PFKFB2: variants seen among roughly 807,000 people sequenced by gnomAD.
PFKFB2 encodes 6-phosphofructo-2-kinase/fructose-2,6-biphosphatase 2, also known as 6-phosphofructo-2-kinase/fructose-2,6-bisphosphatase 2.
Under a neutral mutation model 68.0 loss-of-function variants are expected in PFKFB2, and 53 were observed. The ratio of observed to expected loss-of-function variants is 0.78; its 90% confidence interval spans 0.63 to 0.98. The LOEUF (loss-of-function observed/expected upper bound fraction) is 0.98, where lower values mean the gene tolerates loss of function less well. Ranked by LOEUF, PFKFB2 falls within the 50% of genes least tolerant of loss-of-function variation. The pLI, the probability that PFKFB2 is intolerant of heterozygous loss-of-function variation, is 0.00. For missense variants in PFKFB2, 451 were observed against 642.0 expected (o/e 0.70, Z 3.22); for synonymous variants, 222 against 227.6 (o/e 0.98, Z 0.22).
At chr1:207,053,497 G>C (rs537389227) in intron 1 of PFKFB2, 131 bp downstream of exon 1, 2 of 152,884 alleles carry the variant, frequency 1.3e-5, no homozygotes, top group Non-Finnish European at 2.9e-5. Context: ...TTCTGGGACC[G>C]GGAGCCACAG....
At position 207,070,220 on chromosome 1, in the gene PFKFB2, C is replaced by T; in HGVS notation, c.1093-60C>T. 6.2e-7 allele frequency: 1 copy of T among 1,603,046 alleles called. No homozygotes were observed. Among genetic ancestry groups the T allele is most frequent in the Non-Finnish European group, 8.5e-7 (1 of 1,174,802 alleles). On this transcript the variant is annotated intron_variant, in intron 11 of 14. Transcript: ENST00000367080. The surrounding 1 kb of genome is among the most constrained non-coding windows in gnomAD (Gnocchi z 4.2). Reference sequence around the variant, plus strand: ...GCCCTTAGTCTCCAAGGTCCAGCCACTGACTTGGCTGCCAGCTTGCACCTG... The same window carrying T: ...GCCCTTAGTCTCCAAGGTCCAGCCATTGACTTGGCTGCCAGCTTGCACCTG...
At position 207,075,514 on chromosome 1, in the gene PFKFB2, A is replaced by T. The variant is rs1185931323; in HGVS notation, c.*3143A>T. 1.0e-6 allele frequency: 1 copy of T among 985,164 alleles called. No homozygotes were observed. Among genetic ancestry groups the T allele is most frequent in the Non-Finnish European group, 1.2e-6 (1 of 829,792 alleles). The allele number at this position is 985,164 out of a possible 1,614,324, so 61.0% of individuals were successfully genotyped here. On this transcript the variant is annotated 3_prime_UTR_variant, in exon 15 of 15. Transcript: ENST00000367080. ...GAATGCATGTTGGTAATCTGTATAC[A>T]TTACTATGACTGTGTCTATCACAAG...
In PFKFB2 at chr1:207,065,038, G is replaced by A. The variant is rs1377016876; in HGVS notation, c.510G>A (p.Glu170=). ...DPDVIAANIL[E]VKVSSPDYPE... ...TTTACTGGTTCCTATGATTTCAGGA[G>A]GTTAAGGTATCAAGCCCTGACTATC... The change falls in exon 8 of 15, where the codon GAG becomes GAA. Residue 170 remains glutamate, a splice_region_variant and synonymous_variant. Coordinates refer to ENST00000367080, the MANE Select transcript of PFKFB2 (RefSeq NM_006212.2). The A allele has an allele frequency of 1.9e-6, 3 of 1,613,696 alleles. No individual in the cohort carries two copies.
downstream of PFKFB2, among the ~76,000 whole-genome samples, chr1:207,078,157 A>T (rs1211473977): frequency 6.6e-6 from 1 of 152,214 alleles, no homozygotes; most frequent in African/African-American, 2.4e-5. Flanking sequence ...AAACTTTTGG[A>T]GATTTTTTAG....
At chr1:207,055,497 A>G (rs980767901) in intron 2 of PFKFB2, among the ~76,000 whole-genome samples, 2 of 152,138 alleles carry the variant, frequency 1.3e-5, no homozygotes, top group African/African-American at 4.8e-5. Context: ...TCTAAGCATC[A>G]TAGGCTGCAT....
At chr1:207,061,129 C>A (rs11585791) in intron 2 of PFKFB2, among the ~76,000 whole-genome samples, 40 of 69,910 alleles carry the variant, frequency 5.7e-4, no homozygotes, top group African/African-American at 8.8e-4. Context: ...TTATATATAT[C>A]TTTATATATA....
chr1:207,040,783 A>G (rs182027125), intron 1 of PFKFB2, among the ~76,000 whole-genome samples: 1 of 152,336 alleles, frequency 6.6e-6, no homozygotes, highest in African/African-American at 2.4e-5. Context: ...ACACTTTGCC[A>G]AATACATGTC....
rs4520420 is a variant in PFKFB2 at position 207,070,967 on chromosome 1, T to G, written c.1223-221T>G. On this transcript the variant is annotated intron_variant, in intron 12 of 14. Coordinates refer to ENST00000367080, the MANE Select transcript of PFKFB2 (RefSeq NM_006212.2). This position sits in a 1 kb window ranked among gnomAD's most constrained non-coding sequence, Gnocchi z 4.2. ...CTCTGGCTACAATACTTCCTGTTTT[T>G]GCCTGCGTGGAAGGATCTAAGATGG... is the stretch of plus-strand genomic sequence containing the variant. Among the ~76,000 whole-genome samples, 1 of 152,144 alleles carries G rather than the reference T, an allele frequency of 6.6e-6. No individual in the cohort carries two copies. The highest frequency in any genetic ancestry group is 1.5e-5 in the Non-Finnish European group (1 of 68,026).
At chr1:207,034,756 G>C (rs571820903) in intron 1 of PFKFB2, among the ~76,000 whole-genome samples, 241 of 152,210 alleles carry the variant, frequency 1.6e-3, no homozygotes, top group African/African-American at 5.6e-3. Context: ...CTAACATCCA[G>C]TTCAGGAAAT....
upstream of PFKFB2, chr1:207,053,010 C>G (rs1005900123): frequency 6.6e-6 from 1 of 152,234 alleles, no homozygotes. Flanking sequence ...AAAAGTCAAG[C>G]TTTTTATTAA....
chr1:207,072,551 G>C lies in PFKFB2; in HGVS notation c.*180G>C. 1 of 1,358,738 alleles carries C rather than the reference G, an allele frequency of 7.4e-7. No individual in the cohort carries two copies. Among genetic ancestry groups the C allele is most frequent in the South Asian group, 1.9e-5 (1 of 52,386 alleles). The allele number at this position is 1,358,738 out of a possible 1,614,324, so 84.2% of individuals were successfully genotyped here. On this transcript the variant is annotated 3_prime_UTR_variant, in exon 15 of 15. Coordinates refer to ENST00000367080, the MANE Select transcript of PFKFB2 (RefSeq NM_006212.2). The stretch of plus-strand genomic sequence containing the variant: ...GTTATGTGTTTATAGGACAACTTAA[G>C]CTGTTCTTCAGTTTGAAACATCTTT...
downstream of PFKFB2, chr1:207,079,227 T>G (rs1683705151): frequency 1.0e-5 from 6 of 594,026 alleles, no homozygotes; most frequent in Admixed American, 1.8e-4. Flanking sequence ...AACTTCCCTG[T>G]GCCTCAAAAC....
At chr1:207,041,501 T>A (rs1175519555) in intron 1 of PFKFB2, among the ~76,000 whole-genome samples, 1 of 152,188 alleles carries the variant, frequency 6.6e-6, no homozygotes, top group African/African-American at 2.4e-5. Context: ...TTTCTGTTCC[T>A]GTGTTAGTTT....
At position 207,047,798 on chromosome 1, in the gene PFKFB2, G is replaced by A. The variant is rs546986083; in HGVS notation, c.-18+5586G>A. ...ATTTACAATTTTTTCTATTTTGGAA[G>A]TGAAACTAGTTCATTCAACAGTATT... On this transcript the variant is annotated intron_variant, in intron 2 of 5. Transcript: ENST00000545806. 3.3e-5 allele frequency: 5 copies of A among 152,556 alleles called. 1 individual carries two copies. The highest frequency in any genetic ancestry group is 6.5e-5 in the Admixed American group (1 of 15,300). The allele number at this position is 152,556 out of a possible 1,614,324, so 9.5% of individuals were successfully genotyped here. A position where few individuals can be genotyped will look rare whatever the true frequency, so the allele number is the denominator to read the frequency against.
upstream of PFKFB2, chr1:207,052,782 G>A (rs1008695123): frequency 1.3e-5 from 2 of 156,288 alleles, no homozygotes; most frequent in Non-Finnish European, 2.8e-5. Context: ...GACCTGTGGA[G>A]CCGGGTATGT....
Position 207,073,820 on chromosome 1 carries a change from A to G in PFKFB2, c.*1449A>G, listed in dbSNP as rs760819012. On this transcript the variant is annotated 3_prime_UTR_variant, in exon 15 of 15. Coordinates refer to ENST00000367080, the MANE Select transcript of PFKFB2 (RefSeq NM_006212.2). The stretch of plus-strand genomic sequence containing the variant: ...TTTCCCAATTTTGCATGCAAAATGT[A>G]CGAATATATGTATGTTTTTCTGAGA... The G allele has an allele frequency of 8.1e-6, 8 of 985,404 alleles. No individual in the cohort carries two copies. The highest frequency in any genetic ancestry group is 9.6e-6 in the Non-Finnish European group (8 of 829,896). The allele number at this position is 985,404 out of a possible 1,614,324, so 61.0% of individuals were successfully genotyped here.
At chr1:207,049,383 C>A, upstream of PFKFB2, 2 of 1,614,158 alleles carry the variant, frequency 1.2e-6, no homozygotes, top group Non-Finnish European at 1.7e-6. Flanking sequence ...AAAACTTGGA[C>A]AAAATCGATA....
In PFKFB2 at chr1:207,035,264, C is replaced by A. The variant is rs59632371; in HGVS notation, c.-62+792C>A. On this transcript the variant is annotated intron_variant, in intron 1 of 5. Transcript: ENST00000545806. ...ATTTCCTTTCTCAGTACAACCTCCCCACTTAGGCACCTCCCTTCCCTCTAA... is the reference window on the plus strand; with the variant it reads ...ATTTCCTTTCTCAGTACAACCTCCCAACTTAGGCACCTCCCTTCCCTCTAA... 390 of 917,064 alleles carry A rather than the reference C, an allele frequency of 4.3e-4. 3 individuals carry two copies. The African/African-American group carries it at 6.2e-3, about 15-fold the overall frequency. 56.8% of individuals were successfully genotyped at this position (917,064 alleles called of 1,614,324 possible).
upstream of PFKFB2, chr1:207,053,208 G>C (rs546027575): frequency 6.6e-6 from 1 of 152,348 alleles, no homozygotes; most frequent in Non-Finnish European, 1.5e-5. Context: ...TTCTCTCCAG[G>C]TGAGGACCTA....
Sources: gnomAD v4.1 joint callset for allele counts (sites outside exome capture counted in the v4.1 genomes callset) on GRCh38, gnomAD v4.1.1 for gene constraint, Gnocchi (gnomAD v3.1) non-coding constraint, MANE v1.5 for transcripts, NCBI Gene and HGNC (gene_info 2026-07-23, HGNC 2026-07-21) for gene names.